The following ROBO1 variants were observed in gnomAD, a reference collection of about 807,000 sequenced individuals.
ROBO1 encodes roundabout guidance receptor 1.
A neutral mutation model predicts 195.9 loss-of-function variants in ROBO1; 149 were observed. The ratio of observed to expected loss-of-function variants is 0.76; its 90% CI spans 0.67 to 0.87. The LOEUF (loss-of-function observed/expected upper bound fraction) is 0.87. Ranked by LOEUF, ROBO1 falls within the 40% of genes least tolerant of loss-of-function variation. The probability of loss-of-function intolerance (pLI) is 0.00; values close to 1 mark genes in which losing one functional copy is unlikely to be tolerated. For missense variants in ROBO1, 1,933 were observed against 2,068.3 expected (o/e 0.93, Z 1.27); for synonymous variants, 816 against 733.2 (o/e 1.11, Z -1.82).
chr3:79,445,343 C>G (rs4447719), intron 2 of ROBO1, among the ~76,000 whole-genome samples: 97,739 of 151,702 alleles, frequency 0.64, 32,327 homozygotes, highest in African/African-American at 0.8. Flanking sequence ...TAAGAATGAA[C>G]TTGATGAAAA....
chr3:78,625,084 G>A (rs530227802), intron 26 of ROBO1, among the ~76,000 whole-genome samples: 1 of 152,160 alleles, frequency 6.6e-6, no homozygotes, highest in Non-Finnish European at 1.5e-5. Context: ...GACTTCTTGT[G>A]TGCAAATAAA....
intron 27 of ROBO1, among the ~76,000 whole-genome samples, chr3:78,616,593 G>A (rs1024182567): frequency 3.9e-5 from 6 of 152,040 alleles, no homozygotes; most frequent in Non-Finnish European, 7.4e-5. Flanking sequence ...AAAGACCATG[G>A]AAGACTACCA....
chr3:78,605,916 G>A (rs905569531), intron 29 of ROBO1, among the ~76,000 whole-genome samples: 2 of 152,152 alleles, frequency 1.3e-5, no homozygotes, highest in African/African-American at 4.8e-5. Flanking sequence ...TCTCTGAAGT[G>A]TCTGTACAGG....
intron 2 of ROBO1, among the ~76,000 whole-genome samples, chr3:79,421,629 C>T (rs1333859549): frequency 3.9e-5 from 6 of 152,108 alleles, no homozygotes; most frequent in Admixed American, 3.9e-4. Context: ...CATACAAGCT[C>T]AGCTCTGTGT....
chr3:79,301,408 C>T (rs1290324921), intron 2 of ROBO1, among the ~76,000 whole-genome samples: 9 of 152,194 alleles, frequency 5.9e-5, no homozygotes, highest in Non-Finnish European at 1.2e-4. Context: ...GTTTTACAGA[C>T]CACCTCCTAT....
At chr3:79,448,228 T>A (rs2107178211) in intron 2 of ROBO1, among the ~76,000 whole-genome samples, 1 of 152,302 alleles carries the variant, frequency 6.6e-6, no homozygotes, top group East Asian at 1.9e-4. Context: ...GATTTCAAAA[T>A]TTGTGATTCT....
intron 2 of ROBO1, among the ~76,000 whole-genome samples, chr3:79,211,122 A>C (rs1390883690): frequency 6.6e-6 from 1 of 152,086 alleles, no homozygotes; most frequent in Non-Finnish European, 1.5e-5. Context: ...ATTAATACTA[A>C]ACATAATAAT....
At chr3:79,321,575 T>C (rs775352222) in intron 2 of ROBO1, among the ~76,000 whole-genome samples, 7 of 152,180 alleles carry the variant, frequency 4.6e-5, no homozygotes, top group Non-Finnish European at 1.0e-4. Flanking sequence ...TCAGCAAGAA[T>C]TGCAAGAGGA....
At chr3:78,850,038 A>C (rs1397740368) in intron 4 of ROBO1, among the ~76,000 whole-genome samples, 1 of 152,172 alleles carries the variant, frequency 6.6e-6, no homozygotes, top group Non-Finnish European at 1.5e-5. Flanking sequence ...GGTGTTCCAT[A>C]CAGTAACATG....
At chr3:79,217,882 A>G (rs552496106) in intron 2 of ROBO1, among the ~76,000 whole-genome samples, 8 of 152,046 alleles carry the variant, frequency 5.3e-5, no homozygotes, top group East Asian at 1.9e-4. Flanking sequence ...AATTTACTCT[A>G]AAGTATAGAT....
At chr3:79,009,880 T>C (rs1232067470) in intron 3 of ROBO1, among the ~76,000 whole-genome samples, 3 of 152,226 alleles carry the variant, frequency 2.0e-5, no homozygotes, top group African/African-American at 7.2e-5. Flanking sequence ...AGTGATTCTA[T>C]TTTCTCTCTA....
At chr3:78,836,016 A>T (rs1576260350) in intron 4 of ROBO1, among the ~76,000 whole-genome samples, 1 of 152,324 alleles carries the variant, frequency 6.6e-6, no homozygotes, top group African/African-American at 2.4e-5. Context: ...TAGTAAAATC[A>T]AATGATAAAA....
At chr3:78,766,521 G>A (rs1403409501) in intron 4 of ROBO1, among the ~76,000 whole-genome samples, 1 of 152,134 alleles carries the variant, frequency 6.6e-6, no homozygotes, top group Non-Finnish European at 1.5e-5. Flanking sequence ...TTCTGGAGGA[G>A]ACTTTACGGT....
intron 2 of ROBO1, among the ~76,000 whole-genome samples, chr3:79,347,212 T>C (rs939344141): frequency 6.6e-6 from 1 of 152,168 alleles, no homozygotes; most frequent in Admixed American, 6.6e-5. Flanking sequence ...TCATTTATTT[T>C]CTAAATATTT....
intron 2 of ROBO1, chr3:79,527,919 T>A (rs1224690682): frequency 6.6e-6 from 1 of 152,344 alleles, no homozygotes; most frequent in African/African-American, 2.4e-5. Context: ...TATTGACACT[T>A]CCGTATGAAA....
intron 2 of ROBO1, among the ~76,000 whole-genome samples, chr3:79,473,592 C>A (rs1938398136): frequency 6.6e-6 from 1 of 151,940 alleles, no homozygotes; most frequent in South Asian, 2.1e-4. Context: ...TTAATACCTC[C>A]TACTGTATAC....
At chr3:79,655,805 C>T (rs751568464) in intron 1 of ROBO1, among the ~76,000 whole-genome samples, 4 of 151,948 alleles carry the variant, frequency 2.6e-5, no homozygotes, top group Non-Finnish European at 4.4e-5. Context: ...AGATGTGTTC[C>T]CTGTAGTATT....
At chr3:78,683,141 C>G (rs2080969982) in intron 10 of ROBO1, among the ~76,000 whole-genome samples, 1 of 151,738 alleles carries the variant, frequency 6.6e-6, no homozygotes, top group Non-Finnish European at 1.5e-5. Context: ...CACACACACA[C>G]ACACACCGTC....
At chr3:78,815,387 A>C (rs978473028) in intron 4 of ROBO1, among the ~76,000 whole-genome samples, 2 of 152,142 alleles carry the variant, frequency 1.3e-5, no homozygotes, top group African/African-American at 4.8e-5. Flanking sequence ...TAAACACACA[A>C]ATGATAAGAA....
Sources: gnomAD v4.1 joint callset for allele counts (sites outside exome capture counted in the v4.1 genomes callset) on GRCh38, gnomAD v4.1.1 for gene constraint, MANE v1.5 for transcripts, NCBI Gene and HGNC (gene_info 2026-07-23, HGNC 2026-07-21) for gene names.